PPP2R2C: variants seen among roughly 807,000 people sequenced by gnomAD.
The protein encoded by PPP2R2C is protein phosphatase 2 regulatory subunit Bgamma.
A neutral mutation model predicts 45.3 loss-of-function variants in PPP2R2C; 10 were observed. The ratio of observed to expected loss-of-function variants is 0.22; its 90% CI spans 0.14 to 0.37. The LOEUF (loss-of-function observed/expected upper bound fraction) is 0.37, where lower values mean the gene tolerates loss of function less well. Ranked by LOEUF, PPP2R2C falls within the 10% of genes least tolerant of loss-of-function variation. The pLI is 1.00. For synonymous variants in PPP2R2C, 257 were observed against 245.4 expected (o/e 1.05, Z -0.44); for missense variants, 308 against 619.7 (o/e 0.50, Z 5.34).
At chr4:6,405,605 C>T (rs1717741029) in intron 1 of PPP2R2C, among the ~76,000 whole-genome samples, 2 of 152,230 alleles carry the variant, frequency 1.3e-5, no homozygotes, top group Admixed American at 1.3e-4. Context: ...ATTAGCAAAT[C>T]CCCCAGGTTC....
At chr4:6,508,209 G>T (rs1560591162) in intron 2 of PPP2R2C, among the ~76,000 whole-genome samples, 1 of 152,210 alleles carries the variant, frequency 6.6e-6, no homozygotes, top group African/African-American at 2.4e-5. Context: ...ATCAGGTGAT[G>T]GTCAGGCGGT....
In PPP2R2C at chr4:6,378,351, T is replaced by G; in HGVS notation, c.334+56A>C. 4.3e-6 allele frequency: 7 copies of G among 1,609,532 alleles called. No individual in the cohort carries two copies. Among genetic ancestry groups the G allele is most frequent in the Non-Finnish European group, 5.9e-6 (7 of 1,178,576 alleles). On this transcript the variant is annotated intron_variant, in intron 3 of 8. Transcript: ENST00000382599. This position sits in a 1 kb window ranked among gnomAD's most constrained non-coding sequence, Gnocchi z 5.2. The stretch of plus-strand genomic sequence containing the variant: ...ATATAAGTGAAATACAAACCAGCAT[T>G]TGGTAGAAACATCTACGGCCTGTGC...
At chr4:6,424,142 A>G (rs942262833) in intron 1 of PPP2R2C, among the ~76,000 whole-genome samples, 2 of 152,226 alleles carry the variant, frequency 1.3e-5, no homozygotes, top group Non-Finnish European at 2.9e-5. Context: ...TGCCCAGGGA[A>G]GGGGAACCTC....
chr4:6,433,617 A>G (rs1719740657), intron 1 of PPP2R2C, among the ~76,000 whole-genome samples: 1 of 152,204 alleles, frequency 6.6e-6, no homozygotes, highest in African/African-American at 2.4e-5. Context: ...GCCAATAGGC[A>G]TACGGGTTCC....
chr4:6,491,337 A>G (rs1173890421), intron 2 of PPP2R2C, among the ~76,000 whole-genome samples: 1 of 152,128 alleles, frequency 6.6e-6, no homozygotes, highest in Non-Finnish European at 1.5e-5. Context: ...GAGCTTCTGC[A>G]TGGAAGATGG....
At chr4:6,469,390 G>C in intron 1 of PPP2R2C, among the ~76,000 whole-genome samples, 1 of 152,174 alleles carries the variant, frequency 6.6e-6, no homozygotes, top group Admixed American at 6.5e-5. Flanking sequence ...GGTGTGGTGG[G>C]GGAGTGTAGA....
intron 6 of PPP2R2C, among the ~76,000 whole-genome samples, chr4:6,347,610 G>A (rs1427014645): frequency 6.6e-6 from 1 of 152,124 alleles, no homozygotes; most frequent in Admixed American, 6.6e-5. Context: ...CTAGAGCCCT[G>A]AACCCTAAAA....
rs1052643708 is a variant in PPP2R2C, at chr4:6,332,268, C to T, written c.960+1294G>A. ...GAGAGTTGCTCCTGCAGGCTTGAGC[C>T]GGGCTTATCCTGTCCCTCTCCTAGT... On this transcript the variant is annotated intron_variant, in intron 7 of 8. Coordinates refer to ENST00000382599, the MANE Select transcript of PPP2R2C (RefSeq NM_020416.4). The surrounding 1 kb of genome is among the most constrained non-coding windows in gnomAD (Gnocchi z 4.9). Among the ~76,000 whole-genome samples the T allele has an allele frequency of 3.9e-5, 6 of 152,158 alleles. No individual in the cohort carries two copies. The highest frequency in any genetic ancestry group is 1.2e-4 in the African/African-American group (5 of 41,428).
intron 1 of PPP2R2C, among the ~76,000 whole-genome samples, chr4:6,416,847 G>A (rs1182661522): frequency 6.6e-6 from 1 of 152,232 alleles, no homozygotes; most frequent in Non-Finnish European, 1.5e-5. Flanking sequence ...TGTGCCCCAG[G>A]GGAAGGCTCC....
At position 6,328,031 on chromosome 4, in the gene PPP2R2C, CAG is replaced by C. The variant is rs1732099346; in HGVS notation, c.1052+1229_1052+1230del. On this transcript the variant is annotated intron_variant, in intron 8 of 8. Coordinates refer to ENST00000382599, the MANE Select transcript of PPP2R2C (RefSeq NM_020416.4). The surrounding 1 kb of genome is among the most constrained non-coding windows in gnomAD (Gnocchi z 4.4). ...GGTCCCAGCCCTATGCCCAGAGCCA[CAG>C]AGAGTCATAGTGCGGCAGCTCTCAC... Among the ~76,000 whole-genome samples the C allele has an allele frequency of 6.6e-6, 1 of 152,166 alleles. No homozygotes were observed. The highest frequency in any genetic ancestry group is 1.5e-5 in the Non-Finnish European group (1 of 68,022).
At chr4:6,434,802 G>C (rs1392523595) in intron 1 of PPP2R2C, among the ~76,000 whole-genome samples, 1 of 151,958 alleles carries the variant, frequency 6.6e-6, no homozygotes, top group Non-Finnish European at 1.5e-5. Context: ...TAAAAAAACA[G>C]TATCTTAACT....
In PPP2R2C at chr4:6,325,404, C is replaced by T. The variant is rs188888576; in HGVS notation, c.1053-1811G>A. Among the ~76,000 whole-genome samples, 72 of 152,286 alleles carry T rather than the reference C, an allele frequency of 4.7e-4. 1 individual carries two copies. Among genetic ancestry groups the T allele is most frequent in the Non-Finnish European group, 8.8e-5 (6 of 68,018 alleles). The stretch of plus-strand genomic sequence containing the variant: ...CAGCATGCGAGGGGGGCCGGGTGAA[C>T]GAGTCCCACAGAAGGGCCCTGCCCA... On this transcript the variant is annotated intron_variant, in intron 8 of 8. Coordinates refer to ENST00000382599, the MANE Select transcript of PPP2R2C (RefSeq NM_020416.4).
At chr4:6,479,192 G>A (rs1165744969) in intron 2 of PPP2R2C, among the ~76,000 whole-genome samples, 1 of 152,194 alleles carries the variant, frequency 6.6e-6, no homozygotes, top group Non-Finnish European at 1.5e-5. Context: ...TTCCAGGGCT[G>A]GTATAGTCAG....
At chr4:6,548,687 C>A (rs1283077119) in intron 1 of PPP2R2C, among the ~76,000 whole-genome samples, 1 of 152,214 alleles carries the variant, frequency 6.6e-6, no homozygotes, top group East Asian at 1.9e-4. Flanking sequence ...CTGCCAGAGT[C>A]CTGGTGTGTG....
In PPP2R2C at chr4:6,545,653, C is replaced by T. The variant is rs377078781; in HGVS notation, c.-58-10276G>A. The stretch of plus-strand genomic sequence containing the variant: ...GGCTGCACCTCTCTGACATCAGTTT[C>T]TCCTATAGAATCTCTGAGCAACCCT... On this transcript the variant is annotated intron_variant, in intron 1 of 9. Transcript: ENST00000506140. 1.2e-4 allele frequency among the ~76,000 whole-genome samples: 19 copies of T among 152,332 alleles called. No individual in the cohort carries two copies. In the East Asian group the frequency reaches 3.7e-3, roughly 29 times the overall value.
rs1366313703 is a variant in PPP2R2C, at chr4:6,345,728, G to A, written c.790+2118C>T. On this transcript the variant is annotated intron_variant, in intron 6 of 8. Coordinates refer to ENST00000382599, the MANE Select transcript of PPP2R2C (RefSeq NM_020416.4). This position sits in a 1 kb window ranked among gnomAD's most constrained non-coding sequence, Gnocchi z 5.3. The stretch of plus-strand genomic sequence containing the variant: ...CCAGTGAGCTGGCTGTGGGACTGCG[G>A]ACTGAGACTATACATATGCCCTGTT... Among the ~76,000 whole-genome samples, 1 of 152,090 alleles carries A rather than the reference G, an allele frequency of 6.6e-6. No individual in the cohort carries two copies. The highest frequency in any genetic ancestry group is 1.9e-4 in the East Asian group (1 of 5,172).
At chr4:6,536,877 G>GA (rs1238341735) in intron 1 of PPP2R2C, among the ~76,000 whole-genome samples, 1 of 152,176 alleles carries the variant, frequency 6.6e-6, no homozygotes, top group Non-Finnish European at 1.5e-5. Flanking sequence ...TGTTGAACAG[G>GA]ATGAGGCATT....
At chr4:6,476,438 G>A (rs79400524), upstream of PPP2R2C, among the ~76,000 whole-genome samples, 4 of 152,278 alleles carry the variant, frequency 2.6e-5, no homozygotes, top group South Asian at 2.1e-4. Context: ...AAGAAGAGAC[G>A]TGAGAGAGTT....
chr4:6,535,474 G>A (rs1202896835), intron 1 of PPP2R2C: 15 of 779,468 alleles, frequency 1.9e-5, no homozygotes, highest in South Asian at 3.6e-5. Flanking sequence ...CGCCACCCAC[G>A]GCCGCCCTGG....
Sources: allele counts gnomAD v4.1 joint callset (sites outside exome capture counted in the v4.1 genomes callset), GRCh38; gene constraint gnomAD v4.1.1; non-coding constraint Gnocchi (gnomAD v3.1); transcripts MANE v1.5; gene names NCBI Gene and HGNC (gene_info 2026-07-23, HGNC 2026-07-21).